ST3GAL3: variants seen among roughly 807,000 people sequenced by gnomAD.
ST3GAL3 encodes ST3 beta-galactoside alpha-2,3-sialyltransferase 3.
In ST3GAL3, 21 loss-of-function variants were observed where a neutral mutation model predicts 50.1. That is an observed-to-expected ratio of 0.42 (90% CI 0.30 to 0.60). The LOEUF (loss-of-function observed/expected upper bound fraction) is 0.60, where lower values mean the gene tolerates loss of function less well. Among genes scored for constraint, ST3GAL3 ranks in the 20% least tolerant of loss-of-function variants. The pLI, the probability that ST3GAL3 is intolerant of heterozygous loss-of-function variation, is 0.19. For synonymous variants in ST3GAL3, 183 were observed against 190.0 expected, an observed-to-expected ratio of 0.96 and a Z score of 0.30; for missense variants, 353 against 489.4, an observed-to-expected ratio of 0.72 and a Z score of 2.63.
intron 11 of ST3GAL3, chr1:43,921,450 C>T (rs2083029843): frequency 2.5e-6 from 1 of 406,468 alleles, no homozygotes; most frequent in Non-Finnish European, 4.3e-6. Context: ...TAGCCAAGAC[C>T]CCATGTGGAA....
intron 2 of ST3GAL3, chr1:43,743,492 A>T: frequency 2.4e-6 from 1 of 418,372 alleles, no homozygotes; most frequent in Non-Finnish European, 4.8e-6. Flanking sequence ...ACTAATTTGA[A>T]GGTGGTGGGG....
At chr1:43,818,684 A>C (rs755050512) in intron 4 of ST3GAL3, among the ~76,000 whole-genome samples, 2 of 152,224 alleles carry the variant, frequency 1.3e-5, no homozygotes, top group African/African-American at 2.4e-5. Flanking sequence ...AAGCAATTAA[A>C]TATACTGTAT....
chr1:43,886,312 C>T (rs958128815), intron 5 of ST3GAL3, among the ~76,000 whole-genome samples: 5 of 152,096 alleles, frequency 3.3e-5, no homozygotes, highest in African/African-American at 4.8e-5. Context: ...ACCTGGGAGG[C>T]GTAGGTTGCA....
intron 2 of ST3GAL3, among the ~76,000 whole-genome samples, chr1:43,762,318 G>T (rs1292125036): frequency 6.6e-6 from 1 of 151,350 alleles, no homozygotes; most frequent in Non-Finnish European, 1.5e-5. Context: ...CTTTACACAG[G>T]TATGTAACCA....
intron 9 of ST3GAL3, chr1:43,913,383 T>G (rs576853239): frequency 6.6e-6 from 1 of 152,326 alleles, no homozygotes; most frequent in South Asian, 2.1e-4. Flanking sequence ...CCCTATTGTA[T>G]GCACAAGGAA....
intron 2 of ST3GAL3, among the ~76,000 whole-genome samples, chr1:43,745,411 G>A (rs778186327): frequency 2.0e-5 from 3 of 150,910 alleles, no homozygotes; most frequent in African/African-American, 7.4e-5. Flanking sequence ...AATATGAAAT[G>A]TCAGATTTGA....
At chr1:43,736,139 T>C in intron 1 of ST3GAL3, 94 bp from the exon 2 acceptor site, 5 of 1,228,458 alleles carry the variant, frequency 4.1e-6, no homozygotes, top group Non-Finnish European at 5.9e-6. Flanking sequence ...AAGTTATTCT[T>C]CATTTGGAAA....
chr1:43,805,828 T>C (rs2059810227), intron 3 of ST3GAL3, among the ~76,000 whole-genome samples: 1 of 152,130 alleles, frequency 6.6e-6, no homozygotes, highest in Non-Finnish European at 1.5e-5. Context: ...CTCCACCTCC[T>C]GGGTTCAGGC....
chr1:43,917,983 T>A (rs1207290654), intron 9 of ST3GAL3, among the ~76,000 whole-genome samples: 1 of 151,404 alleles, frequency 6.6e-6, no homozygotes, highest in Non-Finnish European at 1.5e-5. Context: ...TTGCGTATAT[T>A]TTTGATGTGC....
chr1:43,929,983 G>T (rs767568007), intron 11 of ST3GAL3, 149 bp from the exon 12 acceptor site: 15 of 773,408 alleles, frequency 1.9e-5, no homozygotes, highest in Non-Finnish European at 3.5e-5. Flanking sequence ...CATCATTACC[G>T]TGTAGACACA....
chr1:43,771,879 T>C, intron 2 of ST3GAL3: 1 of 398,518 alleles, frequency 2.5e-6, no homozygotes. Flanking sequence ...TTTGTTTTTT[T>C]ACAGAAGATG....
intron 2 of ST3GAL3, among the ~76,000 whole-genome samples, chr1:43,777,046 C>G (rs1401599034): frequency 1.3e-5 from 2 of 152,132 alleles, no homozygotes; most frequent in Admixed American, 6.6e-5. Flanking sequence ...CTCATCATGT[C>G]TAAGGGTCTC....
chr1:43,724,076 G>A (rs1269334970), intron 1 of ST3GAL3, among the ~76,000 whole-genome samples: 1 of 151,882 alleles, frequency 6.6e-6, no homozygotes, highest in Non-Finnish European at 1.5e-5. Flanking sequence ...AAATTGTTGT[G>A]TGTATATGTA....
At chr1:43,795,309 T>G (rs777346700) in intron 3 of ST3GAL3, among the ~76,000 whole-genome samples, 3 of 152,240 alleles carry the variant, frequency 2.0e-5, no homozygotes, top group Non-Finnish European at 4.4e-5. Context: ...ATTTTTCCAC[T>G]GATTCCCTCT....
intron 5 of ST3GAL3, among the ~76,000 whole-genome samples, chr1:43,875,950 CTTATTATTA>C (rs200892055): frequency 0.027 from 1,969 of 73,804 alleles, 21 homozygotes; most frequent in Non-Finnish European, 0.04. Context: ...TCTTCTTCTT[CTTATTATTA>C]TTATTATTAT....
intron 1 of ST3GAL3, among the ~76,000 whole-genome samples, chr1:43,727,030 G>A (rs115380499): frequency 0.01 from 1,538 of 152,162 alleles, 30 homozygotes; most frequent in African/African-American, 0.036. Flanking sequence ...ATCAGCTGTC[G>A]TTTCACTCTG....
At chr1:43,880,144 T>C (rs1318772093) in intron 5 of ST3GAL3, among the ~76,000 whole-genome samples, 1 of 152,226 alleles carries the variant, frequency 6.6e-6, no homozygotes, top group African/African-American at 2.4e-5. Flanking sequence ...ACGGAGCACC[T>C]GCTGTGTACT....
chr1:43,764,066 CAGAA>C (rs1190562946), intron 2 of ST3GAL3, among the ~76,000 whole-genome samples: 1 of 145,178 alleles, frequency 6.9e-6, no homozygotes, highest in African/African-American at 2.6e-5. Context: ...TGTGAACACT[CAGAA>C]AGTAACTGCT....
chr1:43,792,131 G>A lies in ST3GAL3; in HGVS notation c.148G>A (p.Gly50Arg). Reference protein sequence around the residue: ...NSVVLSFDSAGQTLGSEYDRL... With the variant: ...NSVVLSFDSARQTLGSEYDRL... ...AGTGGTTCTTTCCTTTGACTCCGCT[G>A]GACAAACACTAGGCTCAGGTACCAA... The change falls in exon 3 of 12, where the codon GGA becomes AGA. Residue 50 changes from glycine to arginine, a missense_variant. By Grantham distance (125) the Gly-to-Arg change is moderately radical. Transcript: ENST00000347631. 1 of 1,614,162 alleles carries A rather than the reference G, an allele frequency of 6.2e-7. No individual in the cohort carries two copies. Among genetic ancestry groups the A allele is most frequent in the Non-Finnish European group, 8.5e-7 (1 of 1,180,026 alleles).
Sources: allele counts gnomAD v4.1 joint callset (sites outside exome capture counted in the v4.1 genomes callset), GRCh38; gene constraint gnomAD v4.1.1; transcripts MANE v1.5; gene names NCBI Gene and HGNC (gene_info 2026-07-23, HGNC 2026-07-21).